CNTN5: variants seen among roughly 807,000 people sequenced by gnomAD.
CNTN5 encodes contactin-5.
In CNTN5, 77 loss-of-function variants were observed where a neutral mutation model predicts 129.1. The ratio of observed to expected loss-of-function variants is 0.60; its 90% CI spans 0.50 to 0.72. CNTN5 has a LOEUF of 0.72. Among genes scored for constraint, CNTN5 ranks in the 30% least tolerant of loss-of-function variants. CNTN5 has a pLI of 0.00. For synonymous variants in CNTN5, 509 were observed against 465.6 expected (o/e 1.09, Z -1.20); for missense variants, 1,478 against 1,328.8 (o/e 1.11, Z -1.75).
intron 1 of CNTN5, among the ~76,000 whole-genome samples, chr11:99,023,704 T>C (rs1224490068): frequency 1.3e-5 from 2 of 152,216 alleles, no homozygotes; most frequent in African/African-American, 4.8e-5. Context: ...TACAATATTG[T>C]AATTTGCCGA....
chr11:99,894,237 T>C (rs188682973), intron 6 of CNTN5, among the ~76,000 whole-genome samples: 51 of 152,232 alleles, frequency 3.4e-4, no homozygotes, highest in African/African-American at 1.2e-3. Flanking sequence ...AGACTGTTCC[T>C]TGTTTATGAT....
chr11:100,003,789 C>T (rs952051418), intron 9 of CNTN5: 1 of 152,020 alleles, frequency 6.6e-6, no homozygotes, highest in Non-Finnish European at 1.5e-5. Context: ...CTTTGCTACC[C>T]AACTCTCAAA....
intron 2 of CNTN5, among the ~76,000 whole-genome samples, chr11:99,404,573 C>A (rs1037588563): frequency 3.3e-5 from 5 of 151,936 alleles, no homozygotes; most frequent in African/African-American, 1.2e-4. Flanking sequence ...ATCTTATAAC[C>A]CATTATTTAA....
intron 17 of CNTN5, 127 bp downstream of exon 17, chr11:100,256,045 G>C: frequency 1.2e-6 from 1 of 831,512 alleles, no homozygotes; most frequent in Non-Finnish European, 1.8e-6. Context: ...TTACAATATT[G>C]ACAATTCTTT....
intron 7 of CNTN5, among the ~76,000 whole-genome samples, chr11:99,917,531 A>G (rs1167159891): frequency 6.6e-6 from 1 of 152,128 alleles, no homozygotes; most frequent in Non-Finnish European, 1.5e-5. Context: ...AAAAGGGGAA[A>G]AGAAGGGGAA....
intron 21 of CNTN5, among the ~76,000 whole-genome samples, chr11:100,311,933 G>A (rs551790614): frequency 4.6e-5 from 7 of 152,066 alleles, no homozygotes; most frequent in Admixed American, 2.0e-4. Flanking sequence ...AAGCAAAAAT[G>A]GAATATATTT....
At chr11:99,256,558 A>G (rs1862386472) in intron 1 of CNTN5, among the ~76,000 whole-genome samples, 1 of 152,002 alleles carries the variant, frequency 6.6e-6, no homozygotes, top group Admixed American at 6.6e-5. Flanking sequence ...AAAGGATATT[A>G]TCAAAATAGA....
At chr11:99,843,026 T>C (rs1331893285) in intron 4 of CNTN5, among the ~76,000 whole-genome samples, 1 of 152,012 alleles carries the variant, frequency 6.6e-6, no homozygotes, top group Non-Finnish European at 1.5e-5. Context: ...AGGTTAGGAG[T>C]GTGAGACCAG....
chr11:99,763,405 C>T (rs1944652700), intron 3 of CNTN5, among the ~76,000 whole-genome samples: 1 of 152,020 alleles, frequency 6.6e-6, no homozygotes, highest in African/African-American at 2.4e-5. Context: ...TAAGCTGTAA[C>T]TGACTTGATT....
At chr11:99,991,233 C>A (rs1395053800) in intron 8 of CNTN5, among the ~76,000 whole-genome samples, 2 of 152,074 alleles carry the variant, frequency 1.3e-5, no homozygotes, top group Non-Finnish European at 2.9e-5. Flanking sequence ...TTTGGGAGGC[C>A]AAGGCAGGTG....
intron 13 of CNTN5, among the ~76,000 whole-genome samples, chr11:100,160,137 G>C (rs953666795): frequency 1.3e-5 from 2 of 151,670 alleles, no homozygotes; most frequent in Non-Finnish European, 2.9e-5. Context: ...TGTTCTCATT[G>C]TTCACCTCCC....
At chr11:99,968,076 C>T (rs903782012) in intron 8 of CNTN5, among the ~76,000 whole-genome samples, 37 of 152,124 alleles carry the variant, frequency 2.4e-4, no homozygotes, top group African/African-American at 8.7e-4. Flanking sequence ...CAAAATTCAC[C>T]ATGTACACAA....
At chr11:99,897,039 AC>A (rs1949224720) in intron 6 of CNTN5, among the ~76,000 whole-genome samples, 1 of 152,180 alleles carries the variant, frequency 6.6e-6, no homozygotes, top group African/African-American at 2.4e-5. Flanking sequence ...TCTGAACTAG[AC>A]TAGACCAAGT....
chr11:100,138,889 G>T (rs1399435236), intron 13 of CNTN5, among the ~76,000 whole-genome samples: 1 of 152,110 alleles, frequency 6.6e-6, no homozygotes, highest in Non-Finnish European at 1.5e-5. Flanking sequence ...GAACCACAAT[G>T]CTTGGTAGTA....
intron 9 of CNTN5, among the ~76,000 whole-genome samples, chr11:100,032,975 A>C (rs547109001): frequency 1.3e-5 from 2 of 152,230 alleles, no homozygotes; most frequent in Non-Finnish European, 2.9e-5. Context: ...AATTTGCAAC[A>C]TTATAAAAGA....
chr11:99,590,091 A>C (rs1158037004), intron 3 of CNTN5, among the ~76,000 whole-genome samples: 1 of 152,188 alleles, frequency 6.6e-6, no homozygotes, highest in Non-Finnish European at 1.5e-5. Flanking sequence ...GATAAACATC[A>C]TGAGCAGAGA....
At chr11:99,923,173 C>T (rs1242241460) in intron 7 of CNTN5, among the ~76,000 whole-genome samples, 1 of 152,154 alleles carries the variant, frequency 6.6e-6, no homozygotes, top group Non-Finnish European at 1.5e-5. Context: ...CTAAATTTCT[C>T]AGTTTTCTTC....
chr11:99,190,246 G>T (rs540338869), intron 1 of CNTN5, among the ~76,000 whole-genome samples: 39 of 151,598 alleles, frequency 2.6e-4, no homozygotes, highest in African/African-American at 8.4e-4. Context: ...CTGTTCTATT[G>T]TTCTATGATT....
intron 1 of CNTN5, among the ~76,000 whole-genome samples, chr11:99,178,821 A>G (rs1055371594): frequency 2.6e-5 from 4 of 152,222 alleles, no homozygotes; most frequent in Non-Finnish European, 4.4e-5. Context: ...GTAAATAAAG[A>G]TTATTAGCTG....
Sources: allele counts gnomAD v4.1 joint callset (sites outside exome capture counted in the v4.1 genomes callset), GRCh38; gene constraint gnomAD v4.1.1; transcripts MANE v1.5; gene names NCBI Gene and HGNC (gene_info 2026-07-23, HGNC 2026-07-21).